CNTN5: variants seen among roughly 807,000 people sequenced by gnomAD.
CNTN5 encodes contactin 5.
In CNTN5, 77 loss-of-function variants were observed where a neutral mutation model predicts 129.1. The ratio of observed to expected loss-of-function variants is 0.60; its 90% CI spans 0.50 to 0.72. The LOEUF is 0.72. CNTN5 is among the 30% of genes least tolerant of loss of function. The pLI is 0.00. For missense variants in CNTN5, 1,478 were observed against 1,328.8 expected, an observed-to-expected ratio of 1.11 and a Z score of -1.75; for synonymous variants, 509 against 465.6, an observed-to-expected ratio of 1.09 and a Z score of -1.20.
chr11:100,343,228 G>A (rs1464630005), intron 23 of CNTN5, among the ~76,000 whole-genome samples: 2 of 152,146 alleles, frequency 1.3e-5, no homozygotes, highest in African/African-American at 2.4e-5. Flanking sequence ...TTTTAGTTGT[G>A]TAAATTAATG....
At position 99,775,470 on chromosome 11, in the gene CNTN5, G is replaced by A. The variant is rs561457906; in HGVS notation, c.56-44074G>A. ...ATCCAGTTAAATATAAAAATATATT[G>A]TGATTAATGTCTCATCTACTGAAGA... On this transcript the variant is annotated intron_variant, in intron 3 of 24. Coordinates refer to ENST00000524871, the MANE Select transcript of CNTN5 (RefSeq NM_014361.4). 3.9e-5 allele frequency among the ~76,000 whole-genome samples: 6 copies of A among 152,010 alleles called. No individual in the cohort carries two copies. In the South Asian group the frequency reaches 8.3e-4, roughly 21 times the overall value.
chr11:99,163,768 C>G (rs1226229897), intron 1 of CNTN5, among the ~76,000 whole-genome samples: 8 of 152,126 alleles, frequency 5.3e-5, no homozygotes, highest in Admixed American at 3.9e-4. Context: ...AGTTCATTAG[C>G]CGGTTTGAAT....
chr11:99,287,384 A>G (rs1228544013), intron 1 of CNTN5, among the ~76,000 whole-genome samples: 1 of 151,914 alleles, frequency 6.6e-6, no homozygotes, highest in Non-Finnish European at 1.5e-5. Context: ...CTTTATCTGG[A>G]AAAAAATAGT....
chr11:99,764,923 A>G (rs1044410541), intron 3 of CNTN5, among the ~76,000 whole-genome samples: 2 of 152,044 alleles, frequency 1.3e-5, no homozygotes, highest in African/African-American at 4.8e-5. Flanking sequence ...TACTGCTCCT[A>G]TAATTTTCCG....
At chr11:100,100,141 T>G (rs948543986) in intron 13 of CNTN5, among the ~76,000 whole-genome samples, 8 of 152,166 alleles carry the variant, frequency 5.3e-5, no homozygotes, top group African/African-American at 1.9e-4. Context: ...TTTCCAAAGC[T>G]AAATGATTAG....
intron 1 of CNTN5, among the ~76,000 whole-genome samples, chr11:99,057,639 C>G (rs1040759866): frequency 1.3e-5 from 2 of 151,610 alleles, no homozygotes; most frequent in Non-Finnish European, 2.9e-5. Flanking sequence ...AATTAGAGTG[C>G]CTACTTTGTG....
At chr11:99,457,099 TAGTG>T (rs1003394400) in intron 2 of CNTN5, among the ~76,000 whole-genome samples, 22 of 151,996 alleles carry the variant, frequency 1.4e-4, no homozygotes, top group East Asian at 7.7e-4. Flanking sequence ...CGGTAGATAA[TAGTG>T]AGAGAATGAA....
intron 20 of CNTN5, among the ~76,000 whole-genome samples, chr11:100,301,090 C>A (rs747455863): frequency 6.6e-6 from 1 of 151,578 alleles, no homozygotes; most frequent in Non-Finnish European, 1.5e-5. Context: ...CAGGAATGTA[C>A]ACAATAGTGA....
chr11:100,254,006 G>A (rs1950020635), intron 16 of CNTN5, among the ~76,000 whole-genome samples: 1 of 151,788 alleles, frequency 6.6e-6, no homozygotes, highest in South Asian at 2.1e-4. Context: ...GGCTTCCTCT[G>A]ACTTGACTCC....
At chr11:99,788,393 G>C (rs1023568540) in intron 3 of CNTN5, among the ~76,000 whole-genome samples, 2 of 151,844 alleles carry the variant, frequency 1.3e-5, no homozygotes, top group Non-Finnish European at 2.9e-5. Context: ...AGGTGAACAC[G>C]CTCAAAGACA....
intron 3 of CNTN5, among the ~76,000 whole-genome samples, chr11:99,586,243 C>CAAAATATAATGAAA (rs1949789625): frequency 6.6e-6 from 1 of 152,098 alleles, no homozygotes; most frequent in South Asian, 2.1e-4. Flanking sequence ...ATCCCACAAG[C>CAAAATATAATGAAA]TCAATCAAAT....
intron 6 of CNTN5, among the ~76,000 whole-genome samples, chr11:99,857,435 C>A (rs911018234): frequency 3.3e-5 from 5 of 152,104 alleles, no homozygotes; most frequent in African/African-American, 1.2e-4. Flanking sequence ...GAGGAACATA[C>A]AGAGCCATCT....
chr11:99,124,449 T>C (rs1031361121), intron 1 of CNTN5, among the ~76,000 whole-genome samples: 2 of 151,976 alleles, frequency 1.3e-5, no homozygotes, highest in South Asian at 4.1e-4. Context: ...GGGGTTTCTG[T>C]GTGTAGAATC....
In CNTN5 at chr11:100,287,250, C is replaced by A. The variant is rs907053105; in HGVS notation, c.2315-10375C>A. On this transcript the variant is annotated intron_variant, in intron 18 of 24. Transcript: ENST00000524871. ...GGCCAACATTCAAATTCAGGAAATA[C>A]AGAGAATGCCATAAAGATACTCCTC... is the stretch of plus-strand genomic sequence containing the variant. 1.7e-4 allele frequency among the ~76,000 whole-genome samples: 26 copies of A among 152,242 alleles called. No individual in the cohort carries two copies. In the South Asian group the frequency reaches 1.9e-3, roughly 11 times the overall value.
chr11:100,051,003 A>C (rs1395148381), intron 9 of CNTN5, among the ~76,000 whole-genome samples: 1 of 152,114 alleles, frequency 6.6e-6, no homozygotes, highest in Non-Finnish European at 1.5e-5. Flanking sequence ...AGATTTTAAC[A>C]CTCTTCTCTA....
chr11:99,381,894 A>C (rs540212878), intron 2 of CNTN5, among the ~76,000 whole-genome samples: 1 of 152,280 alleles, frequency 6.6e-6, no homozygotes, highest in Non-Finnish European at 1.5e-5. Context: ...CACCTGGGTA[A>C]TGGTGGCTGC....
At chr11:99,812,619 C>G (rs1946463236) in intron 3 of CNTN5, among the ~76,000 whole-genome samples, 1 of 152,124 alleles carries the variant, frequency 6.6e-6, no homozygotes, top group Admixed American at 6.6e-5. Flanking sequence ...CAGAGCTATT[C>G]CTCTCTTGCT....
chr11:100,138,987 G>A (rs1003717159), intron 13 of CNTN5, among the ~76,000 whole-genome samples: 1 of 152,108 alleles, frequency 6.6e-6, no homozygotes, highest in African/African-American at 2.4e-5. Context: ...GAGTGTATGG[G>A]AAAGAAAGGA....
At position 100,160,421 on chromosome 11, in the gene CNTN5, G is replaced by C. The variant is rs539355615; in HGVS notation, c.1581-30705G>C. 3.3e-5 allele frequency among the ~76,000 whole-genome samples: 5 copies of C among 151,930 alleles called. No individual in the cohort carries two copies. The Middle Eastern group carries it at 0.01, about 310-fold the overall frequency. ...TTTATAGCAGAATGATTTATAATCC[G>C]TTGGGTATATACCCAGTAATGGGAT... On this transcript the variant is annotated intron_variant, in intron 13 of 24. Coordinates refer to ENST00000524871, the MANE Select transcript of CNTN5 (RefSeq NM_014361.4).
Sources: allele counts gnomAD v4.1 joint callset (sites outside exome capture counted in the v4.1 genomes callset), GRCh38; gene constraint gnomAD v4.1.1; transcripts MANE v1.5; gene names NCBI Gene and HGNC (gene_info 2026-07-23, HGNC 2026-07-21).